Variants in RBM18 observed in about 807,000 individuals in gnomAD.
The protein encoded by RBM18 is RNA binding motif protein 18.
A neutral mutation model predicts 26.4 loss-of-function variants in RBM18; 18 were observed. That is an observed-to-expected ratio of 0.68 (90% CI 0.47 to 1.01). The LOEUF is 1.01. Among genes scored for constraint, RBM18 ranks in the 50% least tolerant of loss-of-function variants. RBM18 has a pLI of 0.00. For missense variants in RBM18, 180 were observed against 219.2 expected (o/e 0.82, Z 1.13); for synonymous variants, 74 against 81.1 (o/e 0.91, Z 0.47).
chr9:122,247,779 T>TTTG (rs1831527752), intron 3 of RBM18, among the ~76,000 whole-genome samples, 175 bp from the exon 4 acceptor site: 1 of 118,272 alleles, frequency 8.5e-6, no homozygotes, highest in South Asian at 3.8e-4. Flanking sequence ...GCATGGTTTT[T>TTTG]TTGTTGTTTT....
chr9:122,241,888 C>A lies in RBM18; in HGVS notation c.569G>T (p.Arg190Ile). Residue 190 changes from arginine to isoleucine, a missense_variant, in exon 6 of 6, where the codon AGA becomes ATA. Arg to Ile is a moderately conservative substitution (Grantham distance 97). This residue lies in a region of RBM18 where 103 missense variants were observed against 102.8 expected (regional missense o/e 1.00). Transcript: ENST00000417201. ...PYSRTAWKSR[R>I] ...TGCTACAGTAATTCACAACCATCAT[C>A]TTCGAGATTTCCATGCTGTTCTAGA... 6.2e-7 allele frequency: 1 copy of A among 1,611,306 alleles called. No individual in the cohort carries two copies. Among genetic ancestry groups the A allele is most frequent in the Non-Finnish European group, 8.5e-7 (1 of 1,179,270 alleles).
chr9:122,259,425 C>G (rs922935145), intron 2 of RBM18, among the ~76,000 whole-genome samples: 4 of 152,132 alleles, frequency 2.6e-5, no homozygotes, highest in African/African-American at 7.2e-5. Flanking sequence ...GATTCATATA[C>G]TCACCCTCAA....
intron 5 of RBM18, 93 bp from the exon 6 acceptor site, chr9:122,242,136 G>A: frequency 8.2e-7 from 1 of 1,221,364 alleles, no homozygotes; most frequent in Non-Finnish European, 1.1e-6. Flanking sequence ...GGGAATATTA[G>A]AGACGCAACA....
chr9:122,245,201 A>G, intron 5 of RBM18, 55 bp downstream of exon 5: 1 of 1,016,814 alleles, frequency 9.8e-7, no homozygotes, highest in Non-Finnish European at 1.5e-6. Flanking sequence ...ACATGGAATA[A>G]TGAAATGGCT....
Position 122,245,286 on chromosome 9 carries a change from G to C in RBM18, c.383C>G (p.Ser128Ter). 3 of 1,609,894 alleles carry C rather than the reference G, an allele frequency of 1.9e-6. No individual in the cohort carries two copies. Among genetic ancestry groups the C allele is most frequent in the Non-Finnish European group, 1.7e-6 (2 of 1,176,132 alleles). The change falls in exon 5 of 6, where the codon TCA becomes TGA. Residue 128 changes from serine (S) to a stop codon, truncating the protein, a stop_gained. Transcript: ENST00000417201. LOFTEE classifies it high-confidence loss of function. ...KILPISLEPS[S>*]STEPTQSNLS... ...GTTAGACTGAGTAGGCTCAGTGCTT[G>C]AGGATGGCTCGAGACTGATTGGAAG...
At chr9:122,258,626 T>C (rs892910386) in intron 2 of RBM18, among the ~76,000 whole-genome samples, 1 of 152,006 alleles carries the variant, frequency 6.6e-6, no homozygotes, top group Non-Finnish European at 1.5e-5. Flanking sequence ...GTTTGACAGA[T>C]AAAATGTTTT....
At chr9:122,245,820 A>G (rs1169016557) in intron 4 of RBM18, among the ~76,000 whole-genome samples, 1 of 151,738 alleles carries the variant, frequency 6.6e-6, no homozygotes, top group Non-Finnish European at 1.5e-5. Context: ...CTCTATTTAA[A>G]AAAAAAAAAC....
At chr9:122,251,202 T>C (rs1410598289) in intron 3 of RBM18, among the ~76,000 whole-genome samples, 1 of 152,168 alleles carries the variant, frequency 6.6e-6, no homozygotes, top group African/African-American at 2.4e-5. Flanking sequence ...AGGCCTAAAT[T>C]ATTAATATAA....
At chr9:122,257,631 C>A (rs560729202) in intron 2 of RBM18, among the ~76,000 whole-genome samples, 1 of 152,176 alleles carries the variant, frequency 6.6e-6, no homozygotes, top group African/African-American at 2.4e-5. Context: ...GAAATAATCA[C>A]AGAATAGACT....
At position 122,251,922 on chromosome 9, in the gene RBM18, G is replaced by A. The variant is rs1392976317; in HGVS notation, c.165C>T (p.Asp55=). Residue 55 remains aspartate (D), a synonymous_variant, in exon 3 of 6, where the codon GAC becomes GAT. Transcript: ENST00000417201. ...AAGCACCTGACTTGTGGAAGAGGAA[G>A]TCAAACTGCTTTACCTTGCCAAACT... ...LQKFGKVKQF[D]FLFHKSGALE... 1.2e-6 allele frequency: 2 copies of A among 1,614,062 alleles called. No individual in the cohort carries two copies. Among genetic ancestry groups the A allele is most frequent in the East Asian group, 4.5e-5 (2 of 44,890 alleles).
intron 2 of RBM18, 85 bp from the exon 3 acceptor site, chr9:122,252,058 A>G: frequency 6.4e-7 from 1 of 1,559,740 alleles, no homozygotes; most frequent in South Asian, 1.2e-5. Context: ...GCAGGAGATA[A>G]TTTACCCCAG....
rs190354588 is a variant in RBM18 at position 122,256,154 on chromosome 9, G to C, written c.114-4181C>G. ...TTTTTCATGAAATTCAGGCTTGTCTGAATGAATTTTAAAGACCCTGTCTTA... is the reference window on the plus strand; with the variant it reads ...TTTTTCATGAAATTCAGGCTTGTCTCAATGAATTTTAAAGACCCTGTCTTA... On this transcript the variant is annotated intron_variant, in intron 2 of 5. Transcript: ENST00000417201. Among the ~76,000 whole-genome samples, 339 of 152,322 alleles carry C rather than the reference G, an allele frequency of 2.2e-3. 1 individual carries two copies. Among genetic ancestry groups the C allele is most frequent in the Non-Finnish European group, 3.6e-3 (248 of 68,032 alleles).
intron 2 of RBM18, 129 bp from the exon 3 acceptor site, chr9:122,252,102 C>G: frequency 8.7e-7 from 1 of 1,144,488 alleles, no homozygotes; most frequent in Non-Finnish European, 1.2e-6. Flanking sequence ...CCCTGCCTTC[C>G]TCTAAACTGC....
At chr9:122,262,654 G>A (rs1831822185) in intron 1 of RBM18, among the ~76,000 whole-genome samples, 1 of 152,070 alleles carries the variant, frequency 6.6e-6, no homozygotes, top group East Asian at 1.9e-4. Flanking sequence ...CACGATCTCG[G>A]CTCACTACAA....
intron 1 of RBM18, among the ~76,000 whole-genome samples, chr9:122,261,746 A>G (rs1831799888): frequency 6.6e-6 from 1 of 152,234 alleles, no homozygotes; most frequent in Non-Finnish European, 1.5e-5. Flanking sequence ...GTGTGGAGAA[A>G]CTAAAGTTTT....
rs1209134261 is a variant in RBM18, at chr9:122,238,746, T to C, written c.*3138A>G. The C allele has an allele frequency of 6.6e-6, 1 of 152,216 alleles. No individual in the cohort carries two copies. Among genetic ancestry groups the C allele is most frequent in the Non-Finnish European group, 1.5e-5 (1 of 68,038 alleles). The allele number at this position is 152,216 out of a possible 1,614,324, so 9.4% of individuals were successfully genotyped here. On this transcript the variant is annotated 3_prime_UTR_variant, in exon 6 of 6. Coordinates refer to ENST00000417201, the MANE Select transcript of RBM18 (RefSeq NM_033117.4). ...AAGAGAATCACATTTTAAAATAATT[T>C]TTTTAAAAATTGCTTTGGCTACTGT...
At chr9:122,248,332 T>C (rs1265020599) in intron 3 of RBM18, among the ~76,000 whole-genome samples, 1 of 152,164 alleles carries the variant, frequency 6.6e-6, no homozygotes. Context: ...GCTGTTCCTA[T>C]TAGGTGATAG....
At chr9:122,260,624 T>TA (rs892556783) in intron 2 of RBM18, among the ~76,000 whole-genome samples, 6 of 152,250 alleles carry the variant, frequency 3.9e-5, no homozygotes, top group African/African-American at 1.2e-4. Context: ...CTATGTAGGA[T>TA]AAAAAAGCTG....
intron 2 of RBM18, among the ~76,000 whole-genome samples, chr9:122,257,618 C>T (rs2118972160): frequency 6.6e-6 from 1 of 152,092 alleles, no homozygotes; most frequent in African/African-American, 2.4e-5. Context: ...CATAGAATGA[C>T]TAGAAATAAT....
Sources: gnomAD v4.1 joint callset for allele counts (sites outside exome capture counted in the v4.1 genomes callset) on GRCh38, gnomAD v4.1.1 for gene constraint, gnomAD v4.1.1 regional missense constraint, MANE v1.5 for transcripts, NCBI Gene and HGNC (gene_info 2026-07-23, HGNC 2026-07-21) for gene names.